CTNNA3: variants seen among roughly 807,000 people sequenced by gnomAD.
The protein encoded by CTNNA3 is catenin alpha-3.
CTNNA3 carries 76 observed loss-of-function variants against 95.7 expected under a neutral mutation model. The observed-to-expected ratio is 0.79, with a 90% CI of 0.66 to 0.96. The LOEUF (loss-of-function observed/expected upper bound fraction) is 0.96, where lower values mean the gene tolerates loss of function less well. CTNNA3 is among the 40% of genes least tolerant of loss of function. The pLI, the probability that CTNNA3 is intolerant of heterozygous loss-of-function variation, is 0.00. For synonymous variants in CTNNA3, 431 were observed against 374.4 expected, an observed-to-expected ratio of 1.15 and a Z score of -1.74; for missense variants, 1,191 against 1,089.8, an observed-to-expected ratio of 1.09 and a Z score of -1.31.
chr10:66,622,998 A>C (rs940837811), intron 9 of CTNNA3, among the ~76,000 whole-genome samples: 4 of 152,110 alleles, frequency 2.6e-5, no homozygotes, highest in African/African-American at 7.2e-5. Context: ...ATTAATGTAC[A>C]TGGGGATGGC....
At chr10:66,459,070 G>A (rs1380532572) in intron 11 of CTNNA3, among the ~76,000 whole-genome samples, 1 of 152,098 alleles carries the variant, frequency 6.6e-6, no homozygotes, top group African/African-American at 2.4e-5. Context: ...CCCAGAGACA[G>A]CAAGACCAGC....
At chr10:66,628,807 T>A (rs1845030276) in intron 9 of CTNNA3, among the ~76,000 whole-genome samples, 1 of 152,072 alleles carries the variant, frequency 6.6e-6, no homozygotes, top group African/African-American at 2.4e-5. Flanking sequence ...AAGAGTTGAA[T>A]CAGATACTTT....
At chr10:65,989,933 G>GT (rs1347446082) in intron 15 of CTNNA3, among the ~76,000 whole-genome samples, 2 of 152,074 alleles carry the variant, frequency 1.3e-5, no homozygotes, top group Non-Finnish European at 2.9e-5. Flanking sequence ...TGAGAGCAAA[G>GT]TTTTTAGCTC....
At chr10:67,555,088 G>A (rs1252134216) in intron 3 of CTNNA3, among the ~76,000 whole-genome samples, 1 of 152,088 alleles carries the variant, frequency 6.6e-6, no homozygotes, top group Non-Finnish European at 1.5e-5. Flanking sequence ...TATTTCTGAG[G>A]GCTCTGTTCT....
At chr10:67,292,947 T>G (rs929723293) in intron 5 of CTNNA3, among the ~76,000 whole-genome samples, 1 of 151,944 alleles carries the variant, frequency 6.6e-6, no homozygotes, top group Non-Finnish European at 1.5e-5. Flanking sequence ...TTGAAACTTT[T>G]TCCTCTTTGT....
chr10:65,978,107 A>G (rs780172307), intron 16 of CTNNA3, among the ~76,000 whole-genome samples: 101 of 152,068 alleles, frequency 6.6e-4, no homozygotes, highest in African/African-American at 2.3e-3. Context: ...AGTCCCTCAA[A>G]GCAAAACCCT....
At chr10:67,072,599 G>A (rs1048374360) in intron 7 of CTNNA3, among the ~76,000 whole-genome samples, 1 of 152,140 alleles carries the variant, frequency 6.6e-6, no homozygotes, top group African/African-American at 2.4e-5. Context: ...GGGCTAGATT[G>A]CAGTTTTAGT....
At chr10:66,238,304 C>T (rs2089956110) in intron 13 of CTNNA3, among the ~76,000 whole-genome samples, 1 of 151,842 alleles carries the variant, frequency 6.6e-6, no homozygotes, top group African/African-American at 2.4e-5. Context: ...AGCAGGAACC[C>T]ACTGTACAAG....
rs183533410 is a variant in CTNNA3 at position 66,574,439 on chromosome 10, T to C, written c.1374+47253A>G. ...GGAGAAATGGAATCAAAAGTACCAA[T>C]GAAAAAAGCAAAAATAAGATAATTT... On this transcript the variant is annotated intron_variant, in intron 10 of 17. Transcript: ENST00000433211. Among the ~76,000 whole-genome samples, 1,241 of 151,628 alleles carry C rather than the reference T, an allele frequency of 8.2e-3. 17 individuals carry two copies. Among genetic ancestry groups the C allele is most frequent in the African/African-American group, 0.028 (1,174 of 41,388 alleles).
chr10:66,059,964 C>G (rs1219497264), intron 15 of CTNNA3, among the ~76,000 whole-genome samples: 1 of 151,968 alleles, frequency 6.6e-6, no homozygotes, highest in Non-Finnish European at 1.5e-5. Context: ...GTGGTACACT[C>G]TTAACAGTCA....
In CTNNA3 at chr10:66,360,768, CT is replaced by C. The variant is rs1311963505; in HGVS notation, c.1732+18383del. 2.4e-4 allele frequency among the ~76,000 whole-genome samples: 15 copies of C among 62,538 alleles called. No homozygotes were observed. In the Admixed American group the frequency reaches 2.9e-3, roughly 12 times the overall value. 41.0% of individuals were successfully genotyped at this position (62,538 alleles called of 152,430 possible). A position where few individuals can be genotyped will look rare whatever the true frequency, so the allele number is the denominator to read the frequency against. On this transcript the variant is annotated intron_variant, in intron 12 of 17. Transcript: ENST00000433211. ...TCTTCCTTCCTTCCTTCCTTCCTTCCTTTTCTTTCTTTCTTTCTTCCTTCCT... is the reference window on the plus strand; with the variant it reads ...TCTTCCTTCCTTCCTTCCTTCCTTCCTTTCTTTCTTTCTTTCTTCCTTCCT...
chr10:65,991,470 T>C lies in CTNNA3; in HGVS notation c.2160-2673A>G, dbSNP rs114919689. On this transcript the variant is annotated intron_variant, in intron 15 of 17. Transcript: ENST00000433211. Reference sequence around the variant, plus strand: ...TGTTTTATAGTTTTGTTTGTAGAGGTTGGTTCTTGTTTGGTTAAAATTATT... The same window carrying C: ...TGTTTTATAGTTTTGTTTGTAGAGGCTGGTTCTTGTTTGGTTAAAATTATT... Among the ~76,000 whole-genome samples the C allele has an allele frequency of 3.6e-3, 540 of 152,108 alleles. 4 individuals carry two copies. Among genetic ancestry groups the C allele is most frequent in the African/African-American group, 0.012 (501 of 41,550 alleles).
At chr10:66,721,329 G>T (rs1268973712) in intron 9 of CTNNA3, among the ~76,000 whole-genome samples, 1 of 152,150 alleles carries the variant, frequency 6.6e-6, no homozygotes, top group African/African-American at 2.4e-5. Context: ...GATGAGCCAT[G>T]ACAACATATA....
chr10:66,506,745 C>T (rs1248446569), intron 11 of CTNNA3, among the ~76,000 whole-genome samples: 2 of 151,996 alleles, frequency 1.3e-5, no homozygotes, highest in Non-Finnish European at 2.9e-5. Flanking sequence ...ATCATTTTTT[C>T]AGGAAATGAT....
intron 7 of CTNNA3, among the ~76,000 whole-genome samples, chr10:66,890,670 A>G (rs1216854826): frequency 6.6e-6 from 1 of 152,212 alleles, no homozygotes; most frequent in Non-Finnish European, 1.5e-5. Flanking sequence ...ACAAAACATC[A>G]AAAAGGTTAG....
chr10:66,496,713 G>A (rs1840111131), intron 11 of CTNNA3, among the ~76,000 whole-genome samples: 1 of 152,132 alleles, frequency 6.6e-6, no homozygotes, highest in African/African-American at 2.4e-5. Flanking sequence ...CACGACAAAG[G>A]AAATCAATTT....
intron 9 of CTNNA3, among the ~76,000 whole-genome samples, chr10:66,759,761 T>C (rs758094752): frequency 3.3e-5 from 5 of 152,134 alleles, no homozygotes; most frequent in Non-Finnish European, 5.9e-5. Flanking sequence ...GCTTCAAATA[T>C]AAAATACATC....
At chr10:66,455,036 C>T (rs2093487203) in intron 11 of CTNNA3, among the ~76,000 whole-genome samples, 1 of 125,058 alleles carries the variant, frequency 8.0e-6, no homozygotes, top group African/African-American at 3.5e-5. Context: ...TTCTTTTTTT[C>T]AGGAAAAATA....
chr10:67,753,178 A>G (rs958087265), intron 1 of CTNNA3, among the ~76,000 whole-genome samples: 3 of 152,270 alleles, frequency 2.0e-5, no homozygotes, highest in Non-Finnish European at 4.4e-5. Flanking sequence ...CACATCTACA[A>G]TCATCTGACA....
Sources: allele counts gnomAD v4.1 joint callset (sites outside exome capture counted in the v4.1 genomes callset), GRCh38; gene constraint gnomAD v4.1.1; transcripts MANE v1.5; gene names NCBI Gene and HGNC (gene_info 2026-07-23, HGNC 2026-07-21).